The following FBXO11 variants were observed in gnomAD, a reference collection of about 807,000 sequenced individuals.
FBXO11 encodes F-box protein 11.
A neutral mutation model predicts 117.0 loss-of-function variants in FBXO11; 13 were observed. That is an observed-to-expected ratio of 0.11 (90% CI 0.07 to 0.18). FBXO11 has a LOEUF of 0.18. Among genes scored for constraint, FBXO11 ranks in the 10% least tolerant of loss-of-function variants. The pLI is 1.00. For missense variants in FBXO11, 767 were observed against 1,164.4 expected, an observed-to-expected ratio of 0.66 and a Z score of 4.97; for synonymous variants, 490 against 380.5, an observed-to-expected ratio of 1.29 and a Z score of -3.35.
Position 47,807,968 on chromosome 2 carries a change from G to T in FBXO11, c.*150C>A. On this transcript the variant is annotated 3_prime_UTR_variant, in exon 23 of 23. Coordinates refer to ENST00000403359, the MANE Select transcript of FBXO11 (RefSeq NM_001190274.2). The stretch of plus-strand genomic sequence containing the variant: ...ATATATTGCCACTTTCTTTTTGGTA[G>T]CTTGAGCTTCATAGTGTCAACTGAC... 2.9e-6 allele frequency: 2 copies of T among 698,058 alleles called. No homozygotes were observed. Among genetic ancestry groups the T allele is most frequent in the South Asian group, 2.0e-5 (1 of 50,116 alleles). 43.2% of individuals were successfully genotyped at this position (698,058 alleles called of 1,614,324 possible).
chr2:47,896,450 C>A (rs1229503901), intron 1 of FBXO11, among the ~76,000 whole-genome samples: 1 of 152,138 alleles, frequency 6.6e-6, no homozygotes, highest in Non-Finnish European at 1.5e-5. Context: ...TCACCTCAAC[C>A]TCCTGAGTAG....
chr2:47,854,865 T>TGG (rs1674157770), intron 1 of FBXO11, among the ~76,000 whole-genome samples: 1 of 3,628 alleles, frequency 2.8e-4, no homozygotes, highest in African/African-American at 4.7e-4. Context: ...TTTTTTTTGT[T>TGG]TTTTTTTTTA....
chr2:47,879,844 G>A (rs1282035220), intron 1 of FBXO11, among the ~76,000 whole-genome samples: 1 of 152,254 alleles, frequency 6.6e-6, no homozygotes, highest in Admixed American at 6.5e-5. Flanking sequence ...TCATATAAGT[G>A]GGGTCATGCA....
chr2:47,849,346 T>C (rs978350975), intron 1 of FBXO11, among the ~76,000 whole-genome samples: 2 of 152,242 alleles, frequency 1.3e-5, no homozygotes, highest in African/African-American at 4.8e-5. Flanking sequence ...ATTATTTATT[T>C]AGGATACTGT....
chr2:47,813,031 C>CA (rs1202485540), intron 18 of FBXO11: 4 of 585,388 alleles, frequency 6.8e-6, no homozygotes, highest in Admixed American at 3.0e-5. Context: ...ACTGCAGACT[C>CA]AAAGTGGCTA....
chr2:47,857,914 T>C (rs866070836), intron 1 of FBXO11, among the ~76,000 whole-genome samples: 3 of 151,970 alleles, frequency 2.0e-5, no homozygotes, highest in Non-Finnish European at 4.4e-5. Context: ...AAATCGCCAT[T>C]ATTTTGTCCT....
Position 47,816,315 on chromosome 2 carries a change from G to A in FBXO11, c.2007-2448C>T, listed in dbSNP as rs779890076. On this transcript the variant is annotated intron_variant, in intron 16 of 22. Coordinates refer to ENST00000403359, the MANE Select transcript of FBXO11 (RefSeq NM_001190274.2). ...CCACCTCAGCCTTCCGGGTAGCTGG[G>A]ACCACAGGCGCATGCCACCATGCCT... is the stretch of plus-strand genomic sequence containing the variant. Among the ~76,000 whole-genome samples the A allele has an allele frequency of 1.0e-3, 153 of 152,204 alleles. 1 individual carries two copies. Among genetic ancestry groups the A allele is most frequent in the Non-Finnish European group, 1.1e-3 (78 of 67,994 alleles).
intron 19 of FBXO11, chr2:47,809,914 G>A (rs553695988): frequency 4.1e-5 from 22 of 538,138 alleles, no homozygotes; most frequent in Admixed American, 2.9e-4. Flanking sequence ...ATTAACTTTC[G>A]CACCAACCTA....
At chr2:47,892,888 T>C (rs184611193) in intron 1 of FBXO11, among the ~76,000 whole-genome samples, 1 of 152,230 alleles carries the variant, frequency 6.6e-6, no homozygotes, top group East Asian at 1.9e-4. Flanking sequence ...ATCAAAATGC[T>C]ATAACATAAT....
chr2:47,837,068 G>C (rs1392054933), intron 4 of FBXO11: 1 of 234,840 alleles, frequency 4.3e-6, no homozygotes, highest in Non-Finnish European at 8.8e-6. Context: ...AAAATACTTT[G>C]AACTTAATTT....
rs1249165528 is a variant in FBXO11 at position 47,810,407 on chromosome 2, A to G, written c.2247T>C (p.Asp749=). ...NGGRGLLEEN[D]IFRNAQAGVL... ...CACCTGCTTGAGCATTCCTGAAAAT[A>G]TCATTTTCTTCAAGGAGACCTATAA... is the stretch of plus-strand genomic sequence containing the variant. The change falls in exon 19 of 23, where the codon GAT becomes GAC. Residue 749 remains aspartate, a synonymous_variant. Coordinates refer to ENST00000403359, the MANE Select transcript of FBXO11 (RefSeq NM_001190274.2). The G allele has an allele frequency of 5.6e-6, 9 of 1,608,072 alleles. No individual in the cohort carries two copies. Among genetic ancestry groups the G allele is most frequent in the African/African-American group, 1.3e-5 (1 of 74,772 alleles).
intron 1 of FBXO11, among the ~76,000 whole-genome samples, chr2:47,851,100 T>C (rs1299837136): frequency 6.6e-6 from 1 of 152,228 alleles, no homozygotes; most frequent in Non-Finnish European, 1.5e-5. Context: ...GAAACTGATA[T>C]GGCCAGAGTT....
chr2:47,901,013 ATATT>A (rs1356793322), intron 1 of FBXO11, among the ~76,000 whole-genome samples: 8 of 143,670 alleles, frequency 5.6e-5, no homozygotes, highest in African/African-American at 1.0e-4. Context: ...GGAGATATAT[ATATT>A]TATGTATATA....
chr2:47,897,813 G>A (rs1677792426), intron 1 of FBXO11, among the ~76,000 whole-genome samples: 1 of 151,288 alleles, frequency 6.6e-6, no homozygotes, highest in Non-Finnish European at 1.5e-5. Flanking sequence ...GGAAAAAAGA[G>A]TAAAAATGAG....
chr2:47,884,748 T>C (rs1384640408), intron 1 of FBXO11, among the ~76,000 whole-genome samples: 2 of 152,198 alleles, frequency 1.3e-5, no homozygotes, highest in Non-Finnish European at 2.9e-5. Context: ...GAGATGATTA[T>C]TGATGCATTA....
intron 14 of FBXO11, 132 bp downstream of exon 14, chr2:47,820,230 C>CT (rs764947292): frequency 2.1e-5 from 10 of 478,412 alleles, no homozygotes; most frequent in Non-Finnish European, 3.3e-5. Context: ...TTATTTTTGT[C>CT]TAACTATTAA....
At position 47,841,497 on chromosome 2, in the gene FBXO11, A is replaced by G. The variant is rs1054157971; in HGVS notation, c.233-1728T>C. Reference sequence around the variant, plus strand: ...CCTATAAAGTCTGGCCAAAAACATCAAACCTGAATCCGATCAAACCTGTAA... The same window carrying G: ...CCTATAAAGTCTGGCCAAAAACATCGAACCTGAATCCGATCAAACCTGTAA... On this transcript the variant is annotated intron_variant, in intron 1 of 22. Coordinates refer to ENST00000403359, the MANE Select transcript of FBXO11 (RefSeq NM_001190274.2). Among the ~76,000 whole-genome samples, 5 of 152,190 alleles carry G rather than the reference A, an allele frequency of 3.3e-5. 1 individual carries two copies. The highest frequency in any genetic ancestry group is 2.1e-4 in the South Asian group (1 of 4,830).
At chr2:47,879,286 A>G (rs1020167566) in intron 1 of FBXO11, among the ~76,000 whole-genome samples, 8 of 152,242 alleles carry the variant, frequency 5.3e-5, no homozygotes, top group Non-Finnish European at 1.0e-4. Context: ...GATAAATTTC[A>G]GAAAACTCAA....
At chr2:47,813,500 T>A in intron 17 of FBXO11, 123 bp from the exon 18 acceptor site, 1 of 661,810 alleles carries the variant, frequency 1.5e-6, no homozygotes, top group Non-Finnish European at 2.3e-6. Flanking sequence ...GGCGCGATCT[T>A]GGCTCACTGC....
Sources: allele counts gnomAD v4.1 joint callset (sites outside exome capture counted in the v4.1 genomes callset), GRCh38; gene constraint gnomAD v4.1.1; transcripts MANE v1.5; gene names NCBI Gene and HGNC (gene_info 2026-07-23, HGNC 2026-07-21).